The following SRGAP3 variants were observed in gnomAD, a reference collection of about 807,000 sequenced individuals.
SRGAP3 encodes SLIT-ROBO Rho GTPase-activating protein 3.
Under a neutral mutation model 121.1 loss-of-function variants are expected in SRGAP3, and 39 were observed. The observed-to-expected ratio is 0.32, with a 90% CI of 0.25 to 0.42. The LOEUF (loss-of-function observed/expected upper bound fraction) is 0.42. Among genes scored for constraint, SRGAP3 ranks in the 10% least tolerant of loss-of-function variants. SRGAP3 has a pLI of 1.00. For synonymous variants in SRGAP3, 601 were observed against 570.0 expected (o/e 1.05, Z -0.77); for missense variants, 1,213 against 1,470.6 (o/e 0.82, Z 2.86).
rs368369285 is a variant in SRGAP3 at position 9,104,717 on chromosome 3, G to C, written c.386C>G (p.Ser129Cys). 6.2e-7 allele frequency: 1 copy of C among 1,614,114 alleles called. No individual in the cohort carries two copies. The highest frequency in any genetic ancestry group is 1.3e-5 in the African/African-American group (1 of 74,934). Reference sequence around the variant, plus strand: ...TCTGATGACATCCTCACTGATCTGGGAGAGGCGGACGATGACATTGTTCAT... The same window carrying C: ...TCTGATGACATCCTCACTGATCTGGCAGAGGCGGACGATGACATTGTTCAT... ...IFMNNVIVRL[S>C]QISEDVIRLF... The change falls in exon 3 of 22, where the codon TCC (serine) becomes TGC (cysteine). Residue 129 changes from serine (S) to cysteine (C), a missense_variant. Physicochemically the swap from Ser to Cys is moderately radical, Grantham distance 112 (BLOSUM62 -1). Around this residue, in one of 2 missense-constraint regions of SRGAP3, gnomAD observed 793 missense variants for 1,032.9 expected, o/e 0.77. Coordinates refer to ENST00000383836, the MANE Select transcript of SRGAP3 (RefSeq NM_014850.4).
chr3:9,083,733 G>T (rs1180502352), intron 3 of SRGAP3, among the ~76,000 whole-genome samples: 1 of 152,178 alleles, frequency 6.6e-6, no homozygotes, highest in Admixed American at 6.5e-5. Flanking sequence ...CATCCTAGAG[G>T]CAGTTCTGCT....
At chr3:9,173,985 T>A (rs1003738546) in intron 1 of SRGAP3, among the ~76,000 whole-genome samples, 2 of 150,528 alleles carry the variant, frequency 1.3e-5, no homozygotes, top group African/African-American at 4.8e-5. Flanking sequence ...TCATAATGTG[T>A]CCATCGACGG....
chr3:9,227,931 C>T (rs1953048977), intron 1 of SRGAP3, among the ~76,000 whole-genome samples: 1 of 152,070 alleles, frequency 6.6e-6, no homozygotes, highest in South Asian at 2.1e-4. Context: ...CAGGGAGTCT[C>T]CATGGTGAAG....
intron 1 of SRGAP3, among the ~76,000 whole-genome samples, chr3:9,340,441 A>T (rs1176160976): frequency 6.6e-6 from 1 of 152,190 alleles, no homozygotes; most frequent in Non-Finnish European, 1.5e-5. Context: ...GAGCTGCCTC[A>T]CCCCTTCCAG....
intron 1 of SRGAP3, among the ~76,000 whole-genome samples, chr3:9,145,292 C>T (rs751594370): frequency 2.0e-5 from 3 of 152,116 alleles, no homozygotes; most frequent in African/African-American, 7.2e-5. Flanking sequence ...GACGGGGTTT[C>T]GCCATGTTGG....
At chr3:9,113,136 G>A (rs977024915) in intron 2 of SRGAP3, among the ~76,000 whole-genome samples, 12 of 152,192 alleles carry the variant, frequency 7.9e-5, no homozygotes, top group Admixed American at 2.0e-4. Flanking sequence ...AGGACAAGAC[G>A]TGCATGGGGC....
chr3:9,073,075 T>C (rs6793348), intron 4 of SRGAP3, among the ~76,000 whole-genome samples: 33,805 of 152,174 alleles, frequency 0.22, 3,806 homozygotes, highest in East Asian at 0.26. Flanking sequence ...CAAACTGTGT[T>C]TCATCTGCTA....
At chr3:9,356,465 C>T (rs532039655) in intron 1 of SRGAP3, among the ~76,000 whole-genome samples, 4 of 141,346 alleles carry the variant, frequency 2.8e-5, no homozygotes, top group East Asian at 2.3e-4. Flanking sequence ...TGCTGCCTCC[C>T]GGGTTCATGC....
intron 2 of SRGAP3, among the ~76,000 whole-genome samples, chr3:9,122,224 T>TGG (rs1363051860): frequency 1.3e-5 from 2 of 152,170 alleles, no homozygotes; most frequent in African/African-American, 4.8e-5. Context: ...TTGTGAGCAG[T>TGG]GGGACTATGA....
chr3:9,124,635 G>T, intron 2 of SRGAP3, 90 bp downstream of exon 2: 1 of 1,551,820 alleles, frequency 6.4e-7, no homozygotes, highest in Non-Finnish European at 8.8e-7. Flanking sequence ...CTCCAATGAA[G>T]CTGGCTGGCC....
chr3:9,211,913 T>C (rs1434816634), intron 1 of SRGAP3, among the ~76,000 whole-genome samples: 1 of 151,976 alleles, frequency 6.6e-6, no homozygotes, highest in Non-Finnish European at 1.5e-5. Flanking sequence ...TGGCCTCAAG[T>C]GATTTTCCTA....
chr3:9,313,890 A>G (rs1955296221), intron 3 of SRGAP3, among the ~76,000 whole-genome samples: 1 of 151,970 alleles, frequency 6.6e-6, no homozygotes, highest in African/African-American at 2.4e-5. Flanking sequence ...GCTACTTGGA[A>G]GGTTGAGGTG....
intron 5 of SRGAP3, among the ~76,000 whole-genome samples, chr3:9,063,288 C>T (rs1946264824): frequency 6.6e-6 from 1 of 151,860 alleles, no homozygotes; most frequent in Non-Finnish European, 1.5e-5. Flanking sequence ...GCCACCACAC[C>T]TGCCTAATTT....
chr3:9,107,596 C>T (rs1352406158), intron 2 of SRGAP3, among the ~76,000 whole-genome samples: 1 of 152,254 alleles, frequency 6.6e-6, no homozygotes, highest in African/African-American at 2.4e-5. Context: ...GGCAGTGGTT[C>T]TCAGTGTGGC....
intron 3 of SRGAP3, among the ~76,000 whole-genome samples, chr3:9,261,984 G>A (rs1954266107): frequency 6.6e-6 from 1 of 152,010 alleles, no homozygotes; most frequent in Admixed American, 6.5e-5. Context: ...CCTACAAAGG[G>A]AAGCCCATCA....
chr3:9,238,349 G>A (rs1162116552), intron 1 of SRGAP3, among the ~76,000 whole-genome samples: 3 of 152,152 alleles, frequency 2.0e-5, no homozygotes, highest in Non-Finnish European at 4.4e-5. Context: ...TGTGTTCATT[G>A]CCTCAGGGAT....
chr3:9,075,417 C>T (rs1946927763), intron 4 of SRGAP3, among the ~76,000 whole-genome samples: 1 of 151,136 alleles, frequency 6.6e-6, no homozygotes, highest in Non-Finnish European at 1.5e-5. Context: ...GCATAAACAC[C>T]CATGCTAGCA....
chr3:9,147,892 G>C (rs973194393), intron 1 of SRGAP3, among the ~76,000 whole-genome samples: 3 of 152,178 alleles, frequency 2.0e-5, no homozygotes, highest in Non-Finnish European at 4.4e-5. Flanking sequence ...CAGACCCTCA[G>C]ATGGTGTCAC....
At chr3:9,186,411 G>T (rs1951596758) in intron 1 of SRGAP3, among the ~76,000 whole-genome samples, 1 of 152,082 alleles carries the variant, frequency 6.6e-6, no homozygotes, top group African/African-American at 2.4e-5. Flanking sequence ...AAGAATAGGG[G>T]TTCTGTATTA....
Sources: gnomAD v4.1 joint callset for allele counts (sites outside exome capture counted in the v4.1 genomes callset) on GRCh38, gnomAD v4.1.1 for gene constraint, gnomAD v4.1.1 regional missense constraint, MANE v1.5 for transcripts, NCBI Gene and HGNC (gene_info 2026-07-23, HGNC 2026-07-21) for gene names.